Variants in DENND1A observed in about 807,000 individuals in gnomAD.
The protein encoded by DENND1A is DENN domain containing 1A.
In DENND1A, 51 loss-of-function variants were observed where a neutral mutation model predicts 113.7. The ratio of observed to expected loss-of-function variants is 0.45; its 90% CI spans 0.36 to 0.57. The LOEUF is 0.57. DENND1A is among the 20% of genes least tolerant of loss of function. The pLI is 0.00. For synonymous variants in DENND1A, 565 were observed against 570.8 expected (o/e 0.99, Z 0.14); for missense variants, 1,258 against 1,395.9 (o/e 0.90, Z 1.57).
chr9:123,794,432 A>T (rs546585212), intron 2 of DENND1A, among the ~76,000 whole-genome samples: 1 of 152,214 alleles, frequency 6.6e-6, no homozygotes, highest in Non-Finnish European at 1.5e-5. Flanking sequence ...CCACTAAATC[A>T]TCTAAGGCTT....
chr9:123,574,851 A>G (rs1398195402), intron 12 of DENND1A, among the ~76,000 whole-genome samples: 1 of 152,220 alleles, frequency 6.6e-6, no homozygotes, highest in Non-Finnish European at 1.5e-5. Flanking sequence ...CACATTTGTC[A>G]AAACTAAGAA....
chr9:123,630,397 G>A lies in DENND1A; in HGVS notation c.698C>T (p.Pro233Leu), dbSNP rs905444341. ...WQHVYIPVLP[P>L]HLLDYCCAPM... ...TTACCAGCAGTAGTCCAGCAGATGCGGCGGCAGCACGGGGATGTACACGTG... is the reference window on the plus strand; with the variant it reads ...TTACCAGCAGTAGTCCAGCAGATGCAGCGGCAGCACGGGGATGTACACGTG... Residue 233 changes from proline (P) to leucine (L), a missense_variant, in exon 10 of 24, where the codon CCG (proline) becomes CTG (leucine). Physicochemically the swap from Pro to Leu is moderately conservative, Grantham distance 98 (BLOSUM62 -3). This residue lies in a region of DENND1A where 1,159 missense variants were observed against 1,231.7 expected (regional missense o/e 0.94). Transcript: ENST00000394215. 1.9e-6 allele frequency: 3 copies of A among 1,598,362 alleles called. No individual in the cohort carries two copies. The highest frequency in any genetic ancestry group is 1.7e-5 in the Admixed American group (1 of 58,176).
rs543286441 is a variant in DENND1A, at chr9:123,604,670, G to A, written c.765+4766C>T. On this transcript the variant is annotated intron_variant, in intron 11 of 23. Coordinates refer to ENST00000394215, the MANE Select transcript of DENND1A (RefSeq NM_001352964.2). ...GAAGTGGTCAAGCAGGGGTTTGGAA[G>A]TACATTTGTCAAATTCTACAGAAGT... Among the ~76,000 whole-genome samples the A allele has an allele frequency of 3.3e-5, 5 of 152,334 alleles. No homozygotes were observed. The East Asian group carries it at 7.7e-4, about 24-fold the overall frequency.
chr9:123,393,186 T>C (rs1366231364), intron 21 of DENND1A, among the ~76,000 whole-genome samples: 2 of 152,244 alleles, frequency 1.3e-5, no homozygotes, highest in African/African-American at 4.8e-5. Context: ...TAAAGGGCTT[T>C]GCATGGTGCT....
Position 123,452,293 on chromosome 9 carries a change from T to A in DENND1A, c.1282A>T (p.Lys428Ter). 6.2e-7 allele frequency: 1 copy of A among 1,614,252 alleles called. No individual in the cohort carries two copies. Among genetic ancestry groups the A allele is most frequent in the Non-Finnish European group, 8.5e-7 (1 of 1,180,046 alleles). The change falls in exon 17 of 24, where the codon AAG (lysine) becomes TAG (stop). Residue 428 changes from lysine to a stop codon, truncating the protein, a stop_gained. Transcript: ENST00000394215. LOFTEE classifies it high-confidence loss of function. ...GTACTTACGAACTTGTAGACAGTCT[T>A]CATGGCCGGATTTGCTTTGGTCTTT... ...TVKTKANPAM[K>*]TVYKFAKDHA...
At chr9:123,495,923 C>G (rs115116059) in intron 13 of DENND1A, among the ~76,000 whole-genome samples, 13 of 152,278 alleles carry the variant, frequency 8.5e-5, no homozygotes, top group Non-Finnish European at 1.9e-4. Flanking sequence ...TAATGTTGTC[C>G]GCTCAAATCA....
At chr9:123,593,805 C>T (rs1669946408) in intron 11 of DENND1A, among the ~76,000 whole-genome samples, 1 of 152,132 alleles carries the variant, frequency 6.6e-6, no homozygotes, top group South Asian at 2.1e-4. Context: ...CCACCCAGAT[C>T]TCACGCCCTC....
intron 9 of DENND1A, among the ~76,000 whole-genome samples, chr9:123,642,535 T>C (rs2062083293): frequency 6.6e-6 from 1 of 152,256 alleles, no homozygotes; most frequent in African/African-American, 2.4e-5. Context: ...GGTTACTCTC[T>C]CTCCTTTTTA....
In DENND1A at chr9:123,673,455, C is replaced by T. The variant is rs141632886; in HGVS notation, c.373-2084G>A. Among the ~76,000 whole-genome samples the T allele has an allele frequency of 1.6e-3, 251 of 152,292 alleles. 9 individuals are homozygous for T. The East Asian group carries it at 0.041, about 25-fold the overall frequency. On this transcript the variant is annotated intron_variant, in intron 6 of 23. Transcript: ENST00000394215. ...ATCATGATCATGTTTTTAGCAATTC[C>T]TTACTTTTTGGCAGAAAAGATATTT...
intron 2 of DENND1A, among the ~76,000 whole-genome samples, chr9:123,878,453 G>A (rs1201750391): frequency 1.3e-5 from 2 of 152,184 alleles, no homozygotes; most frequent in African/African-American, 2.4e-5. Context: ...AAAAGCTAAA[G>A]CCAGAGGAGG....
intron 11 of DENND1A, among the ~76,000 whole-genome samples, chr9:123,596,784 C>A (rs556362835): frequency 6.6e-6 from 1 of 152,342 alleles, no homozygotes; most frequent in African/African-American, 2.4e-5. Context: ...ACACACTAAA[C>A]TGCTTCATGC....
intron 21 of DENND1A, among the ~76,000 whole-genome samples, chr9:123,402,260 A>ACG (rs66507006): frequency 0.2 from 30,326 of 151,682 alleles, 3,198 homozygotes; most frequent in East Asian, 0.31. Context: ...ACACACACAC[A>ACG]CACGCACGCA....
intron 13 of DENND1A, among the ~76,000 whole-genome samples, chr9:123,550,806 T>C (rs2056998641): frequency 6.6e-6 from 1 of 152,240 alleles, no homozygotes; most frequent in African/African-American, 2.4e-5. Flanking sequence ...TTTAGAACCA[T>C]ACTGCTACAC....
At chr9:123,518,795 A>AT (rs1246223624) in intron 13 of DENND1A, among the ~76,000 whole-genome samples, 1 of 152,084 alleles carries the variant, frequency 6.6e-6, no homozygotes, top group Non-Finnish European at 1.5e-5. Context: ...GGACCTTCCA[A>AT]TTGTTCTCTG....
chr9:123,557,712 G>A lies in DENND1A; in HGVS notation c.868-17C>T. ...GGAAGAGATCTGGTGATGGAGAGAA[G>A]GAAAACACAGGTTGAGGACAGGGTC... On this transcript the variant is annotated splice_polypyrimidine_tract_variant and intron_variant, in intron 12 of 23. Transcript: ENST00000394215. 6.2e-7 allele frequency: 1 copy of A among 1,613,150 alleles called. No homozygotes were observed. Among genetic ancestry groups the A allele is most frequent in the Non-Finnish European group, 8.5e-7 (1 of 1,179,432 alleles).
chr9:123,588,640 G>GC (rs1389029012), intron 11 of DENND1A, among the ~76,000 whole-genome samples: 5 of 131,736 alleles, frequency 3.8e-5, no homozygotes, highest in Admixed American at 3.0e-4. Context: ...AAAAGGGGGG[G>GC]GGGGAAGAGA....
At chr9:123,627,770 C>T (rs374893900) in intron 10 of DENND1A, among the ~76,000 whole-genome samples, 11 of 141,862 alleles carry the variant, frequency 7.8e-5, no homozygotes, top group Middle Eastern at 3.6e-3. Context: ...AGAGAGAGAG[C>T]GAGCGAGTGA....
chr9:123,420,041 A>C (rs1330645808), intron 19 of DENND1A, among the ~76,000 whole-genome samples: 1 of 152,228 alleles, frequency 6.6e-6, no homozygotes, highest in African/African-American at 2.4e-5. Context: ...ATTTGCAGAG[A>C]TAACAAGCTG....
intron 2 of DENND1A, among the ~76,000 whole-genome samples, chr9:123,824,757 G>A (rs1316193940): frequency 6.6e-6 from 1 of 152,106 alleles, no homozygotes; most frequent in Non-Finnish European, 1.5e-5. Flanking sequence ...CGATTCTAGT[G>A]TAAGATTAAA....
Sources: gnomAD v4.1 joint callset for allele counts (sites outside exome capture counted in the v4.1 genomes callset) on GRCh38, gnomAD v4.1.1 for gene constraint, gnomAD v4.1.1 regional missense constraint, MANE v1.5 for transcripts, NCBI Gene and HGNC (gene_info 2026-07-23, HGNC 2026-07-21) for gene names.